The following IL1RAPL1 variants were observed in gnomAD, a reference collection of about 807,000 sequenced individuals.
IL1RAPL1 encodes the protein interleukin 1 receptor accessory protein like 1.
Under a neutral mutation model 48.4 loss-of-function variants are expected in IL1RAPL1, and 3 were observed. The ratio of observed to expected loss-of-function variants is 0.06; its 90% CI spans 0.03 to 0.16. The LOEUF (loss-of-function observed/expected upper bound fraction) is 0.16, where lower values mean the gene tolerates loss of function less well. IL1RAPL1 is among the 10% of genes least tolerant of loss of function. IL1RAPL1 has a pLI of 1.00. For missense variants in IL1RAPL1, 349 were observed against 530.6 expected, an observed-to-expected ratio of 0.66 and a Z score of 3.36; for synonymous variants, 185 against 187.7, an observed-to-expected ratio of 0.99 and a Z score of 0.12.
chrX:29,532,569 C>G (rs1921080351), intron 5 of IL1RAPL1, among the ~76,000 whole-genome samples: 1 of 111,421 alleles, frequency 9.0e-6, no homozygotes, highest in Admixed American at 9.6e-5. Flanking sequence ...TCTGTATCCT[C>G]CAGGCAGTCA....
At chrX:28,875,488 C>A (rs184588678) in intron 2 of IL1RAPL1, among the ~76,000 whole-genome samples, 104 of 112,123 alleles carry the variant, frequency 9.3e-4, no homozygotes, top group African/African-American at 3.2e-3. Flanking sequence ...TTGCATTTAG[C>A]TCTTGCTATA....
chrX:28,963,169 C>T (rs1333591897), intron 2 of IL1RAPL1, among the ~76,000 whole-genome samples: 3 of 111,022 alleles, frequency 2.7e-5, no homozygotes, highest in Non-Finnish European at 3.8e-5. Context: ...TGGGCACTGC[C>T]TCAACGTTAT....
At chrX:29,222,333 A>G (rs2147551038) in intron 2 of IL1RAPL1, among the ~76,000 whole-genome samples, 1 of 112,011 alleles carries the variant, frequency 8.9e-6, no homozygotes, top group East Asian at 2.8e-4. Flanking sequence ...TTCATTGATA[A>G]AATTTTGATA....
rs953549610 is a variant in IL1RAPL1, at chrX:29,336,349, A to G, written c.362+53132A>G. On this transcript the variant is annotated intron_variant, in intron 3 of 10. Coordinates refer to ENST00000378993, the MANE Select transcript of IL1RAPL1 (RefSeq NM_014271.4). ...TGTGTGTGTGTGTGTGTGTGTGTGT[A>G]TATCTATGTATATATATACCTGATA... 2.5e-4 allele frequency among the ~76,000 whole-genome samples: 21 copies of G among 83,680 alleles called. No individual in the cohort carries two copies. In the South Asian group the frequency reaches 3.6e-3, roughly 15 times the overall value. The allele number at this position is 83,680 out of a possible 115,157, so 72.7% of individuals were successfully genotyped here.
At chrX:29,268,957 C>G (rs899842709) in intron 2 of IL1RAPL1, among the ~76,000 whole-genome samples, 3 of 111,781 alleles carry the variant, frequency 2.7e-5, no homozygotes, top group Admixed American at 9.5e-5. Flanking sequence ...GGTATGACCA[C>G]TAAGTGTCTG....
At position 29,383,645 on chromosome X, in the gene IL1RAPL1, G is replaced by A. The variant is rs760482251; in HGVS notation, c.363-12613G>A. 5.0e-4 allele frequency among the ~76,000 whole-genome samples: 56 copies of A among 111,944 alleles called. 1 individual carries two copies. Among genetic ancestry groups the A allele is most frequent in the Admixed American group, 4.6e-3 (48 of 10,499 alleles). On this transcript the variant is annotated intron_variant, in intron 3 of 10. Transcript: ENST00000378993. Reference sequence around the variant, plus strand: ...AAGTTACTAGGTTGCTGGTATTCAAGCCATTCGTTATTTTAATGAATAATA... The same window carrying A: ...AAGTTACTAGGTTGCTGGTATTCAAACCATTCGTTATTTTAATGAATAATA...
intron 1 of IL1RAPL1, among the ~76,000 whole-genome samples, chrX:28,684,661 A>C (rs901987434): frequency 1.8e-5 from 2 of 112,023 alleles, no homozygotes; most frequent in East Asian, 5.6e-4. Flanking sequence ...GCCATGCTCT[A>C]TGAATGGTTG....
intron 6 of IL1RAPL1, among the ~76,000 whole-genome samples, chrX:29,855,505 A>T: frequency 9.0e-6 from 1 of 111,698 alleles, no homozygotes; most frequent in Admixed American, 9.5e-5. Context: ...AAGGCTCTAG[A>T]TAAAGATCCT....
chrX:29,418,090 A>AATAT lies in IL1RAPL1; in HGVS notation c.703+18815_703+18818dup, dbSNP rs1184407912. Among the ~76,000 whole-genome samples, 12 of 51,043 alleles carry AATAT rather than the reference A, an allele frequency of 2.4e-4. 1 individual carries two copies. Among genetic ancestry groups the AATAT allele is most frequent in the African/African-American group, 7.6e-4 (9 of 11,796 alleles). The allele number at this position is 51,043 out of a possible 115,157, so 44.3% of individuals were successfully genotyped here. On this transcript the variant is annotated intron_variant, in intron 5 of 10. Coordinates refer to ENST00000378993, the MANE Select transcript of IL1RAPL1 (RefSeq NM_014271.4). ...AGAAACGTGTTCTTTTTAAAAAAGT[A>AATAT]ATATATATATATATATATATATATA...
At chrX:29,103,780 A>C (rs957095155) in intron 2 of IL1RAPL1, among the ~76,000 whole-genome samples, 1 of 111,953 alleles carries the variant, frequency 8.9e-6, no homozygotes, top group Non-Finnish European at 1.9e-5. Context: ...TATGGGAAAA[A>C]ATTAATAATC....
chrX:29,674,552 T>G lies in IL1RAPL1; in HGVS notation c.778+6048T>G, dbSNP rs190632360. On this transcript the variant is annotated intron_variant, in intron 6 of 10. Transcript: ENST00000378993. ...CCAATGATATCCAAAAGTTTGGAAG[T>G]CAGTTAAAGCACTTTTTTAAAAAAA... Among the ~76,000 whole-genome samples the G allele has an allele frequency of 6.6e-3, 736 of 112,360 alleles. 4 individuals are homozygous for G. The highest frequency in any genetic ancestry group is 0.012 in the Non-Finnish European group (649 of 53,261).
chrX:29,549,185 T>A (rs1921723940), intron 5 of IL1RAPL1, among the ~76,000 whole-genome samples: 1 of 111,984 alleles, frequency 8.9e-6, no homozygotes, highest in Admixed American at 9.5e-5. Context: ...ATTACAGAAA[T>A]GATTTCTAAA....
chrX:29,788,469 G>C (rs1222657896), intron 6 of IL1RAPL1, among the ~76,000 whole-genome samples: 1 of 111,668 alleles, frequency 9.0e-6, no homozygotes, highest in African/African-American at 3.2e-5. Flanking sequence ...TGATCTCCTT[G>C]AATTCATAAT....
At chrX:29,623,045 C>T (rs1407986638) in intron 5 of IL1RAPL1, among the ~76,000 whole-genome samples, 3 of 105,215 alleles carry the variant, frequency 2.9e-5, no homozygotes, top group African/African-American at 1.0e-4. Context: ...CCGAGGCGGG[C>T]GGATCACGAG....
intron 8 of IL1RAPL1, among the ~76,000 whole-genome samples, chrX:29,938,322 T>G (rs772025373): frequency 8.9e-6 from 1 of 112,217 alleles, no homozygotes; most frequent in Non-Finnish European, 1.9e-5. Context: ...TTGATCAGAT[T>G]ATATTTCAGG....
intron 2 of IL1RAPL1, among the ~76,000 whole-genome samples, chrX:28,799,335 A>G (rs1442012435): frequency 8.9e-6 from 1 of 112,174 alleles, no homozygotes; most frequent in Non-Finnish European, 1.9e-5. Context: ...CTTGCAAGGA[A>G]TTTTAGATTT....
chrX:29,893,767 T>C (rs759913005), intron 6 of IL1RAPL1, among the ~76,000 whole-genome samples: 2 of 111,557 alleles, frequency 1.8e-5, no homozygotes, highest in Non-Finnish European at 3.8e-5. Context: ...AAATTAATTC[T>C]ATACTGATTT....
chrX:29,777,507 C>T (rs1929228078), intron 6 of IL1RAPL1, among the ~76,000 whole-genome samples: 1 of 111,678 alleles, frequency 9.0e-6, no homozygotes, highest in Admixed American at 9.5e-5. Context: ...TATTTATGAA[C>T]TCACATGGAC....
intron 2 of IL1RAPL1, among the ~76,000 whole-genome samples, chrX:28,934,092 TC>T (rs1923954530): frequency 9.0e-6 from 1 of 111,070 alleles, no homozygotes; most frequent in Admixed American, 9.6e-5. Context: ...TCCTATCTCA[TC>T]CTGTGACTAA....
Sources: gnomAD v4.1 joint callset for allele counts (sites outside exome capture counted in the v4.1 genomes callset) on GRCh38, gnomAD v4.1.1 for gene constraint, MANE v1.5 for transcripts, NCBI Gene and HGNC (gene_info 2026-07-23, HGNC 2026-07-21) for gene names.